EEF1E1: variants seen among roughly 807,000 people sequenced by gnomAD.
EEF1E1 encodes the protein eukaryotic translation elongation factor 1 epsilon-1.
Under a neutral mutation model 19.9 loss-of-function variants are expected in EEF1E1, and 19 were observed. The ratio of observed to expected loss-of-function variants is 0.95; its 90% CI spans 0.66 to 1.40. The LOEUF (loss-of-function observed/expected upper bound fraction) is 1.40. Ranked by LOEUF, EEF1E1 falls within the 40% of genes most tolerant of loss-of-function variation. EEF1E1 has a pLI of 0.00. For synonymous variants in EEF1E1, 81 were observed against 80.0 expected (o/e 1.01, Z -0.07); for missense variants, 198 against 202.2 (o/e 0.98, Z 0.13).
chr6:8,084,141 C>G (rs546249602), intron 3 of EEF1E1, among the ~76,000 whole-genome samples: 2 of 152,188 alleles, frequency 1.3e-5, no homozygotes, highest in South Asian at 4.1e-4. Context: ...ATAAGGATAT[C>G]TTTAATCATA....
intron 2 of EEF1E1, among the ~76,000 whole-genome samples, chr6:8,090,618 A>G (rs1757989522): frequency 6.6e-6 from 1 of 152,176 alleles, no homozygotes; most frequent in Admixed American, 6.5e-5. Context: ...TTTTTCCATT[A>G]AAATACAAAA....
At chr6:8,078,368 T>A (rs1757648084), downstream of EEF1E1, 1 of 170,548 alleles carries the variant, frequency 5.9e-6, no homozygotes, top group Admixed American at 6.5e-5. Context: ...ACAACATTTA[T>A]TAAGTCTGAA....
intron 3 of EEF1E1, among the ~76,000 whole-genome samples, chr6:8,074,092 G>C (rs1392019191): frequency 2.6e-5 from 4 of 152,064 alleles, no homozygotes; most frequent in Non-Finnish European, 2.9e-5. Flanking sequence ...CTGTTTCTTT[G>C]GGTCTTAATC....
intron 2 of EEF1E1, among the ~76,000 whole-genome samples, chr6:8,092,868 G>GTTTTTTTTTTTT (rs1554099258): frequency 6.8e-4 from 73 of 108,140 alleles, no homozygotes; most frequent in East Asian, 1.5e-3. Flanking sequence ...GATAAAGACT[G>GTTTTTTTTTTTT]CTTTTTTTTT....
intron 2 of EEF1E1, among the ~76,000 whole-genome samples, chr6:8,093,829 G>A (rs576000141): frequency 2.7e-5 from 4 of 148,672 alleles, no homozygotes; most frequent in Admixed American, 6.7e-5. Context: ...ACACAGCCTC[G>A]CTCTGTTGCC....
chr6:8,098,908 A>G (rs773077605), intron 1 of EEF1E1, among the ~76,000 whole-genome samples: 1 of 152,244 alleles, frequency 6.6e-6, no homozygotes, highest in Non-Finnish European at 1.5e-5. Context: ...CAACCCAAGC[A>G]TGCTCTCAAA....
chr6:8,097,259 C>A lies in EEF1E1; in HGVS notation c.288+8G>T. 5 of 1,613,548 alleles carry A rather than the reference C, an allele frequency of 3.1e-6. No individual in the cohort carries two copies. Among genetic ancestry groups the A allele is most frequent in the Non-Finnish European group, 4.2e-6 (5 of 1,179,516 alleles). Reference sequence around the variant, plus strand: ...ATGCATTTCAGCCTATAAGAGAAGTCACGATACCTTCAACAGTGTGTGGAT... The same window carrying A: ...ATGCATTTCAGCCTATAAGAGAAGTAACGATACCTTCAACAGTGTGTGGAT... On this transcript the variant is annotated splice_region_variant and intron_variant, in intron 2 of 3. Coordinates refer to ENST00000379715, the MANE Select transcript of EEF1E1 (RefSeq NM_004280.5).
rs1757978855 is a variant in EEF1E1, at chr6:8,090,227, A to G, written c.343T>C (p.Leu115=). 3.9e-6 allele frequency: 6 copies of G among 1,526,182 alleles called. No homozygotes were observed. The highest frequency in any genetic ancestry group is 5.2e-6 in the Non-Finnish European group (6 of 1,145,920). The allele number at this position is 1,526,182 out of a possible 1,614,324, so 94.5% of individuals were successfully genotyped here. Residue 115 remains leucine, a synonymous_variant, in exon 3 of 4, where the codon TTA becomes CTA. Transcript: ENST00000379715. ...KVYLTGYNFT[L]ADILLYYGLH... Reference sequence around the variant, plus strand: ...CCATAGTACAATAGTATATCTGCTAATGTAAAGTTATACCCTGTAAGGTAG... The same window carrying G: ...CCATAGTACAATAGTATATCTGCTAGTGTAAAGTTATACCCTGTAAGGTAG...
chr6:8,092,476 A>ATTTAAAGT (rs1758039265), intron 2 of EEF1E1, among the ~76,000 whole-genome samples: 1 of 152,230 alleles, frequency 6.6e-6, no homozygotes, highest in African/African-American at 2.4e-5. Flanking sequence ...TCATTTAAAG[A>ATTTAAAGT]CAGTCAGTCA....
intron 3 of EEF1E1, among the ~76,000 whole-genome samples, chr6:8,082,666 C>T (rs767955043): frequency 2.0e-4 from 31 of 152,194 alleles, no homozygotes; most frequent in Non-Finnish European, 4.1e-4. Context: ...TTCATTTTTC[C>T]CTCAGGAAAC....
At chr6:8,092,287 G>A (rs1345315080) in intron 2 of EEF1E1, among the ~76,000 whole-genome samples, 1 of 152,184 alleles carries the variant, frequency 6.6e-6, no homozygotes, top group East Asian at 1.9e-4. Context: ...AGTAAAAAAT[G>A]TTTGCAGAAT....
chr6:8,084,227 T>C (rs1279933412), intron 3 of EEF1E1, among the ~76,000 whole-genome samples: 1 of 152,206 alleles, frequency 6.6e-6, no homozygotes, highest in African/African-American at 2.4e-5. Context: ...ATGCTAAATA[T>C]TATTAATGTA....
chr6:8,100,380 C>T (rs1219535992), intron 1 of EEF1E1, among the ~76,000 whole-genome samples: 2 of 152,158 alleles, frequency 1.3e-5, no homozygotes, highest in Admixed American at 1.3e-4. Flanking sequence ...CACTCCTCAA[C>T]AGTGTTTTGC....
downstream of EEF1E1, among the ~76,000 whole-genome samples, chr6:8,075,536 C>G (rs900308627): frequency 6.6e-6 from 1 of 152,174 alleles, no homozygotes; most frequent in Admixed American, 6.5e-5. Context: ...TCTAAAACCA[C>G]AATGTATGCA....
chr6:8,074,716 T>C (rs1757551489), downstream of EEF1E1, among the ~76,000 whole-genome samples: 1 of 152,218 alleles, frequency 6.6e-6, no homozygotes. Context: ...ATCTGGATGC[T>C]GAGAATATGA....
intron 2 of EEF1E1, among the ~76,000 whole-genome samples, chr6:8,091,923 T>C (rs1054002642): frequency 2.0e-5 from 3 of 152,224 alleles, no homozygotes; most frequent in South Asian, 2.1e-4. Flanking sequence ...ATAGAATACA[T>C]AGACTGGGTG....
intron 1 of EEF1E1, 139 bp from the exon 2 acceptor site, chr6:8,097,606 A>C: frequency 1.5e-6 from 1 of 655,542 alleles, no homozygotes; most frequent in Non-Finnish European, 2.6e-6. Context: ...ATTACATACA[A>C]ATGAAAGTCT....
chr6:8,088,579 C>T (rs761697479), intron 3 of EEF1E1, among the ~76,000 whole-genome samples: 93 of 152,286 alleles, frequency 6.1e-4, no homozygotes, highest in Admixed American at 2.7e-3. Flanking sequence ...TGACTTGCTC[C>T]GACTTGCTCC....
In EEF1E1 at chr6:8,097,381, T is replaced by G; in HGVS notation, c.174A>C (p.Glu58Asp). ...AAHLVKQANK[E>D]YLLGSTAEEK... ...CTTCTGCAGTACTCCCCAGCAAATA[T>G]TCTTTGTTGGCTTGCTTGACTAGAT... The change falls in exon 2 of 4, where the codon GAA becomes GAC. Residue 58 changes from glutamate (E) to aspartate (D), a missense_variant. Coordinates refer to ENST00000379715, the MANE Select transcript of EEF1E1 (RefSeq NM_004280.5). 6.2e-7 allele frequency: 1 copy of G among 1,614,140 alleles called. No homozygotes were observed. The highest frequency in any genetic ancestry group is 8.5e-7 in the Non-Finnish European group (1 of 1,179,990).
Sources: allele counts gnomAD v4.1 joint callset (sites outside exome capture counted in the v4.1 genomes callset), GRCh38; gene constraint gnomAD v4.1.1; transcripts MANE v1.5; gene names NCBI Gene and HGNC (gene_info 2026-07-23, HGNC 2026-07-21).